ANO6: variants seen among roughly 807,000 people sequenced by gnomAD.
The protein encoded by ANO6 is anoctamin 6, also known as anoctamin-6.
In ANO6, 106 loss-of-function variants were observed where a neutral mutation model predicts 117.5. The observed-to-expected ratio is 0.90, with a 90% CI of 0.77 to 1.06. The LOEUF (loss-of-function observed/expected upper bound fraction) is 1.06. ANO6 is among the 50% of genes least tolerant of loss of function. The pLI, the probability that ANO6 is intolerant of heterozygous loss-of-function variation, is 0.00. For missense variants in ANO6, 955 were observed against 1,121.1 expected, an observed-to-expected ratio of 0.85 and a Z score of 2.12; for synonymous variants, 367 against 385.1, an observed-to-expected ratio of 0.95 and a Z score of 0.55.
chr12:45,438,001 C>T (rs1943727151), intron 19 of ANO6, among the ~76,000 whole-genome samples: 2 of 152,148 alleles, frequency 1.3e-5, no homozygotes, highest in South Asian at 2.1e-4. Flanking sequence ...AAAAGACCAG[C>T]GCAGTCTTTC....
At chr12:45,221,662 G>T (rs1400604257) in intron 1 of ANO6, among the ~76,000 whole-genome samples, 1 of 152,092 alleles carries the variant, frequency 6.6e-6, no homozygotes, top group Non-Finnish European at 1.5e-5. Context: ...AGTAGTTGGG[G>T]TCAGAAATGC....
At chr12:45,434,974 T>A (rs1436322608), downstream of ANO6, among the ~76,000 whole-genome samples, 1 of 152,240 alleles carries the variant, frequency 6.6e-6, no homozygotes, top group Non-Finnish European at 1.5e-5. Flanking sequence ...TGCATTGCCT[T>A]CCTTGTTTTA....
At chr12:45,393,584 G>T (rs1942517818) in intron 12 of ANO6, among the ~76,000 whole-genome samples, 1 of 152,154 alleles carries the variant, frequency 6.6e-6, no homozygotes, top group African/African-American at 2.4e-5. Flanking sequence ...AGTGTTAAGG[G>T]CAGCCAGAGA....
chr12:45,406,196 A>C (rs1352797473), intron 15 of ANO6, among the ~76,000 whole-genome samples: 3 of 152,230 alleles, frequency 2.0e-5, no homozygotes, highest in Non-Finnish European at 4.4e-5. Flanking sequence ...CTGGCATATG[A>C]CAGGGACTCA....
chr12:45,398,095 A>G (rs1248145564), intron 12 of ANO6, among the ~76,000 whole-genome samples: 4 of 152,250 alleles, frequency 2.6e-5, no homozygotes, highest in African/African-American at 4.8e-5. Context: ...ATTTCTATAC[A>G]TCAAAAGTAT....
intron 9 of ANO6, among the ~76,000 whole-genome samples, chr12:45,370,880 C>T (rs1287164067): frequency 1.3e-5 from 2 of 152,164 alleles, no homozygotes; most frequent in Non-Finnish European, 2.9e-5. Context: ...ATAGGAACAG[C>T]TCCGGTCTAC....
Position 45,253,681 on chromosome 12 carries a change from T to TGATA in ANO6, c.70+37292_70+37295dup, listed in dbSNP as rs1937706319. ...AGTCAGTTATTATTTTGGTTGTAGA[T>TGATA]GATAGCCAGTATCATAGTTCACTAT... On this transcript the variant is annotated intron_variant, in intron 1 of 19. Coordinates refer to ENST00000320560, the MANE Select transcript of ANO6 (RefSeq NM_001025356.3). Among the ~76,000 whole-genome samples, 6 of 152,370 alleles carry TGATA rather than the reference T, an allele frequency of 3.9e-5. No homozygotes were observed. The South Asian group carries it at 1.2e-3, about 32-fold the overall frequency.
chr12:45,403,531 A>G lies in ANO6; in HGVS notation c.1875A>G (p.Leu625=). The part of the protein sequence containing the change: ...KAIWNNIQEV[L]LPWIMNLIGR... ...TCTGGAATAACATACAAGAAGTATTATTGCCGTGAGTGTTAAATTGTATAG... is the reference window on the plus strand; with the variant it reads ...TCTGGAATAACATACAAGAAGTATTGTTGCCGTGAGTGTTAAATTGTATAG... Residue 625 remains leucine, a synonymous_variant, in exon 15 of 20, where the codon TTA becomes TTG. Coordinates refer to ENST00000320560, the MANE Select transcript of ANO6 (RefSeq NM_001025356.3). The G allele has an allele frequency of 1.2e-6, 2 of 1,610,106 alleles. No homozygotes were observed. Among genetic ancestry groups the G allele is most frequent in the Non-Finnish European group, 1.7e-6 (2 of 1,176,544 alleles).
chr12:45,429,439 T>C lies in ANO6; in HGVS notation c.*128T>C, dbSNP rs1943583787. 14 of 1,499,752 alleles carry C rather than the reference T, an allele frequency of 9.3e-6. No homozygotes were observed. The highest frequency in any genetic ancestry group is 1.4e-5 in the African/African-American group (1 of 71,186). The allele number at this position is 1,499,752 out of a possible 1,614,324, so 92.9% of individuals were successfully genotyped here. On this transcript the variant is annotated 3_prime_UTR_variant, in exon 20 of 20. Transcript: ENST00000320560. Reference sequence around the variant, plus strand: ...AGTCTCAACTATTGCCATTTCCTCATGTATTATTTTTCAGTTTCAGCTAGC... The same window carrying C: ...AGTCTCAACTATTGCCATTTCCTCACGTATTATTTTTCAGTTTCAGCTAGC...
At chr12:45,420,949 C>G (rs1456109431) in intron 17 of ANO6, 122 bp from the exon 18 acceptor site, 5 of 1,070,670 alleles carry the variant, frequency 4.7e-6, no homozygotes, top group Non-Finnish European at 5.6e-6. Context: ...TTTTTGAACC[C>G]AAGAGGTGGA....
chr12:45,421,334 C>T, intron 18 of ANO6, 61 bp downstream of exon 18: 1 of 1,518,148 alleles, frequency 6.6e-7, no homozygotes, highest in Non-Finnish European at 9.1e-7. Context: ...TTTCTTGTGA[C>T]TTAATTCTGT....
At chr12:45,330,820 C>T (rs548820501) in intron 2 of ANO6, among the ~76,000 whole-genome samples, 6 of 151,904 alleles carry the variant, frequency 3.9e-5, no homozygotes, top group African/African-American at 9.7e-5. Context: ...TTCTATAAAG[C>T]GGTGAAGTAA....
At chr12:45,319,217 G>A (rs559540385) in intron 2 of ANO6, among the ~76,000 whole-genome samples, 68 of 152,274 alleles carry the variant, frequency 4.5e-4, no homozygotes, top group Admixed American at 5.9e-4. Flanking sequence ...AATGCTTCCA[G>A]TTTTTGCCCA....
At chr12:45,248,664 C>G (rs914852169) in intron 1 of ANO6, among the ~76,000 whole-genome samples, 1 of 151,956 alleles carries the variant, frequency 6.6e-6, no homozygotes, top group Non-Finnish European at 1.5e-5. Flanking sequence ...GTGACCCGCC[C>G]GCCTCAGCTT....
intron 8 of ANO6, among the ~76,000 whole-genome samples, chr12:45,367,357 G>C (rs1303062583): frequency 1.3e-5 from 2 of 152,172 alleles, no homozygotes; most frequent in Non-Finnish European, 2.9e-5. Context: ...CATGTAATCT[G>C]TTAGTAATAA....
chr12:45,243,362 C>G (rs1465021848), intron 1 of ANO6, among the ~76,000 whole-genome samples: 1 of 152,016 alleles, frequency 6.6e-6, no homozygotes, highest in African/African-American at 2.4e-5. Flanking sequence ...TTTTGAAGTC[C>G]AAATGAACTT....
chr12:45,267,288 T>C (rs1379678107), intron 1 of ANO6, among the ~76,000 whole-genome samples: 1 of 152,174 alleles, frequency 6.6e-6, no homozygotes, highest in Admixed American at 6.5e-5. Context: ...GGGCATGCAC[T>C]CTGGTATCTT....
chr12:45,350,805 A>G, intron 7 of ANO6, 31 bp downstream of exon 7: 6 of 1,536,980 alleles, frequency 3.9e-6, no homozygotes, highest in Non-Finnish European at 5.4e-6. Context: ...CTCCAGGGGG[A>G]GGCACTCAGG....
intron 19 of ANO6, among the ~76,000 whole-genome samples, chr12:45,427,853 C>T (rs1345558498): frequency 6.8e-6 from 1 of 147,794 alleles, no homozygotes; most frequent in South Asian, 2.1e-4. Context: ...GCAGGAGAAT[C>T]GCTTGAACCC....
Sources: allele counts gnomAD v4.1 joint callset (sites outside exome capture counted in the v4.1 genomes callset), GRCh38; gene constraint gnomAD v4.1.1; transcripts MANE v1.5; gene names NCBI Gene and HGNC (gene_info 2026-07-23, HGNC 2026-07-21).